TMEM132C: variants seen among roughly 807,000 people sequenced by gnomAD.
TMEM132C encodes protein phosphatase 1, regulatory subunit 152.
In TMEM132C, 29 loss-of-function variants were observed where a neutral mutation model predicts 61.4. The ratio of observed to expected loss-of-function variants is 0.47; its 90% CI spans 0.35 to 0.64. The LOEUF (loss-of-function observed/expected upper bound fraction) is 0.64. TMEM132C is among the 30% of genes least tolerant of loss of function. The probability of loss-of-function intolerance (pLI) is 0.00; values close to 1 mark genes in which losing one functional copy is unlikely to be tolerated. For missense variants in TMEM132C, 1,408 were observed against 1,476.9 expected, an observed-to-expected ratio of 0.95 and a Z score of 0.76; for synonymous variants, 656 against 633.1, an observed-to-expected ratio of 1.04 and a Z score of -0.54.
chr12:128,410,148 C>A (rs78448756), intron 1 of TMEM132C, among the ~76,000 whole-genome samples: 1,586 of 152,134 alleles, frequency 0.01, 31 homozygotes, highest in African/African-American at 0.035. Context: ...GTCTTGCTTA[C>A]ATTTTATTTA....
intron 2 of TMEM132C, among the ~76,000 whole-genome samples, chr12:128,464,311 C>T (rs574390679): frequency 3.7e-4 from 56 of 152,232 alleles, no homozygotes; most frequent in African/African-American, 1.2e-3. Flanking sequence ...CCTTTCTCCC[C>T]TGCATGCACT....
chr12:128,368,390 G>C (rs529371629), intron 1 of TMEM132C, among the ~76,000 whole-genome samples: 1 of 152,208 alleles, frequency 6.6e-6, no homozygotes, highest in African/African-American at 2.4e-5. Context: ...CTCCGAAAAG[G>C]TCCAGTCAAT....
At chr12:128,298,823 G>C (rs1283914169) in intron 1 of TMEM132C, among the ~76,000 whole-genome samples, 1 of 152,220 alleles carries the variant, frequency 6.6e-6, no homozygotes, top group Non-Finnish European at 1.5e-5. Context: ...AAGGTCGCTG[G>C]TAGAGCACCT....
intron 3 of TMEM132C, among the ~76,000 whole-genome samples, chr12:128,577,480 C>G (rs1044502128): frequency 2.0e-5 from 3 of 152,230 alleles, no homozygotes; most frequent in Non-Finnish European, 4.4e-5. Flanking sequence ...CGGTGACACT[C>G]GCTTTTCCAG....
intron 6 of TMEM132C, among the ~76,000 whole-genome samples, chr12:128,695,440 C>T (rs1954752675): frequency 2.0e-5 from 3 of 152,076 alleles, no homozygotes; most frequent in African/African-American, 7.2e-5. Context: ...AGGAGGATCA[C>T]TTAAGCCCAG....
At chr12:128,276,894 G>GCATA (rs1555249412) in intron 1 of TMEM132C, among the ~76,000 whole-genome samples, 5 of 149,930 alleles carry the variant, frequency 3.3e-5, no homozygotes, top group Non-Finnish European at 4.5e-5. Context: ...GTGCGTGCAT[G>GCATA]CACACACACA....
chr12:128,429,733 G>C (rs1175901785), intron 2 of TMEM132C, among the ~76,000 whole-genome samples: 5 of 152,198 alleles, frequency 3.3e-5, no homozygotes, highest in Non-Finnish European at 7.3e-5. Flanking sequence ...ACATCAGAGA[G>C]GGGTATTCAA....
intron 3 of TMEM132C, among the ~76,000 whole-genome samples, chr12:128,613,290 A>T (rs1185627733): frequency 6.6e-6 from 1 of 152,174 alleles, no homozygotes; most frequent in Non-Finnish European, 1.5e-5. Flanking sequence ...AGAAGATGAG[A>T]TGCAACTCCC....
intron 4 of TMEM132C, among the ~76,000 whole-genome samples, chr12:128,657,468 A>G (rs1176787039): frequency 6.6e-6 from 1 of 152,164 alleles, no homozygotes; most frequent in African/African-American, 2.4e-5. Flanking sequence ...CAATGAGGTG[A>G]TGCAGGGAGG....
chr12:128,392,058 C>G (rs1042361119), intron 1 of TMEM132C, among the ~76,000 whole-genome samples: 33 of 73,578 alleles, frequency 4.5e-4, no homozygotes, highest in African/African-American at 2.0e-3. Flanking sequence ...CTCTGTCTCT[C>G]TCTCTTTCTC....
rs146343658 is a variant in TMEM132C at position 128,398,358 on chromosome 12, G to A, written c.86-16374G>A. Among the ~76,000 whole-genome samples the A allele has an allele frequency of 5.0e-3, 764 of 152,272 alleles. 5 individuals are homozygous for A. The highest frequency in any genetic ancestry group is 0.017 in the Middle Eastern group (5 of 294). ...TACCAAGGACTGACACTCTCTCTCC[G>A]CAGGGAAAAATGGAGCTGGAGTGAG... On this transcript the variant is annotated intron_variant, in intron 1 of 8. Transcript: ENST00000435159.
chr12:128,507,937 G>GT (rs1872431906), intron 2 of TMEM132C, among the ~76,000 whole-genome samples: 1 of 152,130 alleles, frequency 6.6e-6, no homozygotes, highest in Admixed American at 6.5e-5. Flanking sequence ...GCTCTAACCG[G>GT]TTTTTTCACC....
intron 3 of TMEM132C, among the ~76,000 whole-genome samples, chr12:128,582,505 T>G (rs1262338330): frequency 6.6e-6 from 1 of 151,906 alleles, no homozygotes; most frequent in African/African-American, 2.4e-5. Context: ...CATCTTGAAT[T>G]GTGCTCCCAT....
intron 2 of TMEM132C, among the ~76,000 whole-genome samples, chr12:128,525,663 G>A (rs999206140): frequency 6.6e-6 from 1 of 152,094 alleles, no homozygotes; most frequent in Non-Finnish European, 1.5e-5. Context: ...GAACCCATCG[G>A]CCTTACCCCT....
intron 1 of TMEM132C, among the ~76,000 whole-genome samples, chr12:128,393,970 G>T (rs973513387): frequency 6.6e-6 from 1 of 152,126 alleles, no homozygotes; most frequent in Non-Finnish European, 1.5e-5. Context: ...CTTCTTTAAA[G>T]ACGGTGTATT....
At chr12:128,641,251 C>T (rs1369263508) in intron 4 of TMEM132C, among the ~76,000 whole-genome samples, 1 of 152,184 alleles carries the variant, frequency 6.6e-6, no homozygotes, top group Non-Finnish European at 1.5e-5. Context: ...TGTCCAGCAT[C>T]TCCCTCAATA....
At chr12:128,330,007 G>A (rs1437811165) in intron 1 of TMEM132C, among the ~76,000 whole-genome samples, 5 of 152,100 alleles carry the variant, frequency 3.3e-5, no homozygotes, top group Non-Finnish European at 4.4e-5. Flanking sequence ...GGCACGAAGC[G>A]CTCTATTTGC....
At chr12:128,383,194 C>T (rs917434900) in intron 1 of TMEM132C, among the ~76,000 whole-genome samples, 4 of 151,684 alleles carry the variant, frequency 2.6e-5, no homozygotes, top group African/African-American at 9.7e-5. Flanking sequence ...GCATGTGCAC[C>T]CCTGTGTACA....
At chr12:128,684,624 A>G (rs1287831932) in intron 5 of TMEM132C, among the ~76,000 whole-genome samples, 1 of 152,216 alleles carries the variant, frequency 6.6e-6, no homozygotes, top group Non-Finnish European at 1.5e-5. Context: ...AGCATTGTGC[A>G]TTGTCAGCTG....
Sources: gnomAD v4.1 joint callset for allele counts (sites outside exome capture counted in the v4.1 genomes callset) on GRCh38, gnomAD v4.1.1 for gene constraint, MANE v1.5 for transcripts, NCBI Gene and HGNC (gene_info 2026-07-23, HGNC 2026-07-21) for gene names.